Variants in AEBP1 observed in about 807,000 individuals in gnomAD.
The protein encoded by AEBP1 is AE binding protein 1.
In AEBP1, 69 loss-of-function variants were observed where a neutral mutation model predicts 116.5. The observed-to-expected ratio is 0.59, with a 90% CI of 0.49 to 0.72. The LOEUF (loss-of-function observed/expected upper bound fraction) is 0.72, where lower values mean the gene tolerates loss of function less well. AEBP1 is among the 30% of genes least tolerant of loss of function. The pLI is 0.00. For missense variants in AEBP1, 1,444 were observed against 1,557.5 expected, an observed-to-expected ratio of 0.93 and a Z score of 1.23; for synonymous variants, 627 against 627.3, an observed-to-expected ratio of 1.00 and a Z score of 0.01.
rs1433003246 is a variant in AEBP1, at chr7:44,111,550, C to T, written c.1760C>T (p.Thr587Ile). Residue 587 changes from threonine (T) to isoleucine (I), a missense_variant, in exon 15 of 21, where the codon ACT (threonine) becomes ATT (isoleucine). Coordinates refer to ENST00000223357, the MANE Select transcript of AEBP1 (RefSeq NM_001129.5). This position sits in a 1 kb window ranked among gnomAD's most constrained non-coding sequence, Gnocchi z 4.7. ...GAGGAGTGCCCCACCATCACCCGCA[C>T]TTACAGCCTGGGCAAGAGCTCACGA... ...VNEECPTITRTYSLGKSSRGL... is the reference protein window; with the variant it reads ...VNEECPTITRIYSLGKSSRGL... The T allele has an allele frequency of 6.2e-7, 1 of 1,610,956 alleles. No individual in the cohort carries two copies. Among genetic ancestry groups the T allele is most frequent in the Admixed American group, 1.7e-5 (1 of 58,992 alleles).
Position 44,107,604 on chromosome 7 carries a change from G to A in AEBP1, c.668-25G>A. On this transcript the variant is annotated intron_variant, in intron 3 of 20. Transcript: ENST00000223357. This position sits in a 1 kb window ranked among gnomAD's most constrained non-coding sequence, Gnocchi z 4.3. The stretch of plus-strand genomic sequence containing the variant: ...GAGTAGGCCTGGGTGGGGTTGTCAG[G>A]CAGCTACCAGCGCTTTCCCCTCAGA... 1 of 1,613,566 alleles carries A rather than the reference G, an allele frequency of 6.2e-7. No homozygotes were observed. The highest frequency in any genetic ancestry group is 8.5e-7 in the Non-Finnish European group (1 of 1,179,952).
In AEBP1 at chr7:44,112,895, AC is replaced by A; in HGVS notation, c.2560del (p.Arg854GlyfsTer59). The A allele has an allele frequency of 6.2e-7, 1 of 1,611,180 alleles. No individual in the cohort carries two copies. The highest frequency in any genetic ancestry group is 8.5e-7 in the Non-Finnish European group (1 of 1,178,448). ...GGCATCGTCAACGGGGCCAAGTGGA[AC>A]CCCCGGACCGGGAGTGAGTCAGCCT... Reference protein sequence around the residue: ...GMGIVNGAKWNPRTGTINDFS... With the variant: ...GMGIVNGAKWXPRTGTINDFS... On this transcript the variant is annotated frameshift_variant, in exon 18 of 21. Coordinates refer to ENST00000223357, the MANE Select transcript of AEBP1 (RefSeq NM_001129.5). LOFTEE classifies it high-confidence loss of function. The surrounding 1 kb of genome is among the most constrained non-coding windows in gnomAD (Gnocchi z 6.6).
Position 44,104,930 on chromosome 7 carries a change from G to C in AEBP1, c.253+12G>C. On this transcript the variant is annotated intron_variant, in intron 1 of 20. Coordinates refer to ENST00000223357, the MANE Select transcript of AEBP1 (RefSeq NM_001129.5). The stretch of plus-strand genomic sequence containing the variant: ...GACGGCCGCAGAAGGTAAGAGCCCA[G>C]GGCAGGGCGGGGGTGTGGGGGGCTG... The C allele has an allele frequency of 6.5e-7, 1 of 1,529,414 alleles. No homozygotes were observed. 94.7% of individuals were successfully genotyped at this position (1,529,414 alleles called of 1,614,324 possible).
rs774974678 is a variant in AEBP1, at chr7:44,113,105, A to T, written c.2684A>T (p.Glu895Val). The T allele has an allele frequency of 6.2e-7, 1 of 1,614,024 alleles. No individual in the cohort carries two copies. Among genetic ancestry groups the T allele is most frequent in the Admixed American group, 1.7e-5 (1 of 60,024 alleles). ...CCCCGCGAGTGGGAGAACAACAAGG[A>T]GGCGCTGCTCACCTTCATGGAGCAG... The part of the protein sequence containing the change: ...ELPREWENNK[E>V]ALLTFMEQVH... Residue 895 changes from glutamate (E) to valine (V), a missense_variant, in exon 19 of 21, where the codon GAG (glutamate) becomes GTG (valine). By Grantham distance (121) the Glu-to-Val change is moderately radical. Transcript: ENST00000223357. This position sits in a 1 kb window ranked among gnomAD's most constrained non-coding sequence, Gnocchi z 5.3.
intron 1 of AEBP1, among the ~76,000 whole-genome samples, chr7:44,105,992 A>G (rs1393030946): frequency 6.6e-6 from 1 of 151,960 alleles, no homozygotes; most frequent in Admixed American, 6.6e-5. Context: ...TATCCTTCCA[A>G]TCAATTCCAA....
In AEBP1 at chr7:44,104,609, A is replaced by C; in HGVS notation, c.-57A>C. 2 of 1,236,986 alleles carry C rather than the reference A, an allele frequency of 1.6e-6. No individual in the cohort carries two copies. Among genetic ancestry groups the C allele is most frequent in the African/African-American group, 1.6e-5 (1 of 61,306 alleles). 76.6% of individuals were successfully genotyped at this position (1,236,986 alleles called of 1,614,324 possible). A position where few individuals can be genotyped will look rare whatever the true frequency, so the allele number is the denominator to read the frequency against. ...ATCCCCTCTCCGCCCTTTCCCAGAG[A>C]CCCAGAGCCCCTGACCCCCCGCGCC... On this transcript the variant is annotated 5_prime_UTR_variant, in exon 1 of 21. Transcript: ENST00000223357.
chr7:44,105,388 T>A (rs148733912), intron 1 of AEBP1, among the ~76,000 whole-genome samples: 1 of 152,054 alleles, frequency 6.6e-6, no homozygotes, highest in Non-Finnish European at 1.5e-5. Context: ...GGGCTTCAGG[T>A]GGTGGTGAGC....
intron 7 of AEBP1, 59 bp from the exon 8 acceptor site, chr7:44,109,048 A>G: frequency 6.2e-7 from 1 of 1,611,270 alleles, no homozygotes; most frequent in Non-Finnish European, 8.5e-7. Context: ...GATCCACCCC[A>G]CATGGTCCTC....
chr7:44,110,941 C>T lies in AEBP1; in HGVS notation c.1514C>T (p.Thr505Ile), dbSNP rs2096228663. The change falls in exon 13 of 21, where the codon ACA becomes ATA. Residue 505 changes from threonine (T) to isoleucine (I), a missense_variant. Physicochemically the swap from Thr to Ile is moderately conservative, Grantham distance 89. Transcript: ENST00000223357. ...MTFHGNVDKDTPVLSELPEPV... is the reference protein window; with the variant it reads ...MTFHGNVDKDIPVLSELPEPV... The stretch of plus-strand genomic sequence containing the variant: ...TTTCATGGGAACGTGGACAAGGACA[C>T]ACCCGTGCTGAGTGAGCTCCCAGAG... 1.2e-6 allele frequency: 2 copies of T among 1,614,036 alleles called. No individual in the cohort carries two copies. The highest frequency in any genetic ancestry group is 1.7e-5 in the Admixed American group (1 of 60,022).
Position 44,106,709 on chromosome 7 carries a change from C to G in AEBP1, c.417C>G (p.Thr139=). 1 of 1,612,780 alleles carries G rather than the reference C, an allele frequency of 6.2e-7. No individual in the cohort carries two copies. The highest frequency in any genetic ancestry group is 1.1e-5 in the South Asian group (1 of 90,894). ...CCAAGGAGAAGCCACCTAAGGCCAC[C>G]AAGAAGCCCAAGGAGAAGCCACCCA... ...KKPKEKPPKA[T]KKPKEKPPKA... Residue 139 remains threonine (T), a synonymous_variant, in exon 2 of 21, where the codon ACC becomes ACG. Coordinates refer to ENST00000223357, the MANE Select transcript of AEBP1 (RefSeq NM_001129.5).
At chr7:44,105,210 T>G (rs1465061949) in intron 1 of AEBP1, among the ~76,000 whole-genome samples, 1 of 152,176 alleles carries the variant, frequency 6.6e-6, no homozygotes, top group Non-Finnish European at 1.5e-5. Context: ...ACGCGACAGG[T>G]ACTAGGCTTG....
In AEBP1 at chr7:44,112,925, A is replaced by AGGGGGGTGTGGGCG; in HGVS notation, c.2569+20_2569+21insGGTGTGGGCGGGGG. The AGGGGGGTGTGGGCG allele has an allele frequency of 1.9e-6, 3 of 1,611,434 alleles. No homozygotes were observed. The highest frequency in any genetic ancestry group is 2.5e-6 in the Non-Finnish European group (3 of 1,178,334). ...CGGACCGGGAGTGAGTCAGCCTGGG[A>AGGGGGGTGTGGGCG]GGGGCTGTGGGCGGGGCCTGGTCCG... On this transcript the variant is annotated intron_variant, in intron 18 of 20. Coordinates refer to ENST00000223357, the MANE Select transcript of AEBP1 (RefSeq NM_001129.5). This position sits in a 1 kb window ranked among gnomAD's most constrained non-coding sequence, Gnocchi z 6.6.
rs150758796 is a variant in AEBP1, at chr7:44,107,149, C to T, written c.595+262C>T. The stretch of plus-strand genomic sequence containing the variant: ...AGGCCCCTGCCCAGATGTCCCTGGG[C>T]TCTGAGCCCATGGAGTTCCCTCCTG... On this transcript the variant is annotated intron_variant, in intron 2 of 20. Coordinates refer to ENST00000223357, the MANE Select transcript of AEBP1 (RefSeq NM_001129.5). The surrounding 1 kb of genome is among the most constrained non-coding windows in gnomAD (Gnocchi z 4.3). Among the ~76,000 whole-genome samples, 1,003 of 152,328 alleles carry T rather than the reference C, an allele frequency of 6.6e-3. 12 individuals are homozygous for T. Among genetic ancestry groups the T allele is most frequent in the African/African-American group, 0.022 (899 of 41,584 alleles).
At position 44,113,631 on chromosome 7, in the gene AEBP1, T is replaced by A. The variant is rs771879069; in HGVS notation, c.2847T>A (p.Gly949=). ...GGDYWRILNP[G]EYRVTAHAEG... is the part of the protein sequence containing the mutation. Reference sequence around the variant, plus strand: ...ATTACTGGCGAATCTTGAACCCGGGTGAGTACCGCGTGACAGCCCACGCGG... The same window carrying A: ...ATTACTGGCGAATCTTGAACCCGGGAGAGTACCGCGTGACAGCCCACGCGG... The change falls in exon 21 of 21, where the codon GGT becomes GGA. Residue 949 remains glycine (G), a synonymous_variant. Coordinates refer to ENST00000223357, the MANE Select transcript of AEBP1 (RefSeq NM_001129.5). This position sits in a 1 kb window ranked among gnomAD's most constrained non-coding sequence, Gnocchi z 5.3. The A allele has an allele frequency of 6.2e-7, 1 of 1,612,688 alleles. No individual in the cohort carries two copies.
rs1356789045 is a variant in AEBP1, at chr7:44,104,506, C to T, written c.-160C>T. 9 of 519,760 alleles carry T rather than the reference C, an allele frequency of 1.7e-5. No homozygotes were observed. The highest frequency in any genetic ancestry group is 2.6e-5 in the Non-Finnish European group (8 of 308,708). The allele number at this position is 519,760 out of a possible 1,614,324, so 32.2% of individuals were successfully genotyped here. A position where few individuals can be genotyped will look rare whatever the true frequency, so the allele number is the denominator to read the frequency against. On this transcript the variant is annotated 5_prime_UTR_variant, in exon 1 of 21. Transcript: ENST00000223357. ...GGGTCCCCTCGCCCACCCTAATCCA[C>T]TCTCCCTCCCTTTCCCGGATTCCCT... is the stretch of plus-strand genomic sequence containing the variant.
chr7:44,113,986 T>C lies in AEBP1; in HGVS notation c.3202T>C (p.Trp1068Arg). 11 of 1,613,830 alleles carry C rather than the reference T, an allele frequency of 6.8e-6. No homozygotes were observed. Among genetic ancestry groups the C allele is most frequent in the Non-Finnish European group, 9.3e-6 (11 of 1,179,886 alleles). Residue 1068 changes from tryptophan to arginine, a missense_variant, in exon 21 of 21, where the codon TGG becomes CGG. By Grantham distance (101) the Trp-to-Arg change is moderately radical. Transcript: ENST00000223357. The surrounding 1 kb of genome is among the most constrained non-coding windows in gnomAD (Gnocchi z 5.3). ...ATTLSTTIEP[W>R]GLIPPTTAGW... ...CACCCTGAGCACTACCATAGAGCCC[T>C]GGGGCCTCATACCGCCAACCACCGC...
rs755853394 is a variant in AEBP1, at chr7:44,111,672, T to C, written c.1840+42T>C. The C allele has an allele frequency of 6.2e-7, 1 of 1,607,354 alleles. No individual in the cohort carries two copies. ...GCCAGCAGCTGGCCTCTGCTGCTGATGTGCAGAGCTCACTGCCTCCCGCCT... is the reference window on the plus strand; with the variant it reads ...GCCAGCAGCTGGCCTCTGCTGCTGACGTGCAGAGCTCACTGCCTCCCGCCT... On this transcript the variant is annotated intron_variant, in intron 15 of 20. Transcript: ENST00000223357. This position sits in a 1 kb window ranked among gnomAD's most constrained non-coding sequence, Gnocchi z 4.7.
Position 44,104,571 on chromosome 7 carries a change from C to A in AEBP1, c.-95C>A. Reference sequence around the variant, plus strand: ...TCTCTCCCGCCCCTTCCTGGATTCCCTCACCCGTCTCGATCCCCTCTCCGC... The same window carrying A: ...TCTCTCCCGCCCCTTCCTGGATTCCATCACCCGTCTCGATCCCCTCTCCGC... On this transcript the variant is annotated 5_prime_UTR_variant, in exon 1 of 21. Transcript: ENST00000223357. 1.2e-6 allele frequency: 1 copy of A among 810,192 alleles called. No homozygotes were observed. Among genetic ancestry groups the A allele is most frequent in the South Asian group, 2.2e-5 (1 of 44,504 alleles). The allele number at this position is 810,192 out of a possible 1,614,324, so 50.2% of individuals were successfully genotyped here.
rs2096228689 is a variant in AEBP1, at chr7:44,110,954, T to G, written c.1527T>G (p.Ser509Arg). ...GNVDKDTPVL[S>R]ELPEPVVARF... ...TGGACAAGGACACACCCGTGCTGAG[T>G]GAGCTCCCAGAGCCGGTGGTGGCTC... Residue 509 changes from serine to arginine, a missense_variant, in exon 13 of 21, where the codon AGT (serine) becomes AGG (arginine). Ser to Arg is a moderately radical substitution (Grantham distance 110). Coordinates refer to ENST00000223357, the MANE Select transcript of AEBP1 (RefSeq NM_001129.5). 2 of 1,613,842 alleles carry G rather than the reference T, an allele frequency of 1.2e-6. No individual in the cohort carries two copies. Among genetic ancestry groups the G allele is most frequent in the African/African-American group, 2.7e-5 (2 of 74,904 alleles).
Sources: gnomAD v4.1 joint callset for allele counts (sites outside exome capture counted in the v4.1 genomes callset) on GRCh38, gnomAD v4.1.1 for gene constraint, Gnocchi (gnomAD v3.1) non-coding constraint, MANE v1.5 for transcripts, NCBI Gene and HGNC (gene_info 2026-07-23, HGNC 2026-07-21) for gene names.